Variants in DPP10 observed in about 807,000 individuals in gnomAD.
DPP10 encodes inactive dipeptidyl peptidase 10.
In DPP10, 33 loss-of-function variants were observed where a neutral mutation model predicts 120.9. That is an observed-to-expected ratio of 0.27 (90% CI 0.21 to 0.37). The LOEUF is 0.37. Among genes scored for constraint, DPP10 ranks in the 10% least tolerant of loss-of-function variants. DPP10 has a pLI of 1.00. For synonymous variants in DPP10, 337 were observed against 326.1 expected (o/e 1.03, Z -0.36); for missense variants, 816 against 942.8 (o/e 0.87, Z 1.76).
chr2:114,707,436 A>G (rs1700754788), intron 1 of DPP10, among the ~76,000 whole-genome samples: 1 of 152,240 alleles, frequency 6.6e-6, no homozygotes, highest in Non-Finnish European at 1.5e-5. Context: ...AGTTGTTACC[A>G]TCACTAAAGT....
At chr2:115,792,981 G>T (rs1012462992) in intron 19 of DPP10, among the ~76,000 whole-genome samples, 9 of 152,190 alleles carry the variant, frequency 5.9e-5, no homozygotes, top group Non-Finnish European at 1.3e-4. Flanking sequence ...GTAGGGCAGT[G>T]TCACACATAG....
intron 1 of DPP10, among the ~76,000 whole-genome samples, chr2:115,153,683 A>G (rs1157964108): frequency 6.6e-6 from 1 of 152,186 alleles, no homozygotes; most frequent in East Asian, 1.9e-4. Context: ...AAGTATGCCA[A>G]GCCTGATTTT....
At chr2:114,949,049 T>C (rs13018010) in intron 1 of DPP10, among the ~76,000 whole-genome samples, 151,251 of 151,976 alleles carry the variant, frequency 1, 75,269 homozygotes, top group Non-Finnish European at 1. Context: ...CTCAGCCTAC[T>C]GAGTAGCTGG....
chr2:115,462,828 C>T (rs1178060724), intron 3 of DPP10, among the ~76,000 whole-genome samples: 1 of 152,112 alleles, frequency 6.6e-6, no homozygotes, highest in Non-Finnish European at 1.5e-5. Flanking sequence ...CTCCCAGGCT[C>T]AAGCAACCCT....
At chr2:115,114,335 A>G (rs186498734) in intron 1 of DPP10, among the ~76,000 whole-genome samples, 1 of 152,224 alleles carries the variant, frequency 6.6e-6, no homozygotes, top group African/African-American at 2.4e-5. Context: ...CTTTGAAAAG[A>G]CATAGAAAAA....
intron 3 of DPP10, among the ~76,000 whole-genome samples, chr2:115,432,473 G>A (rs2071081513): frequency 6.6e-6 from 1 of 151,882 alleles, no homozygotes; most frequent in African/African-American, 2.4e-5. Flanking sequence ...AATAAGGTGG[G>A]TTTTAGTTTT....
Position 115,665,452 on chromosome 2 carries a change from G to T in DPP10, c.442-24235G>T, listed in dbSNP as rs544237671. Among the ~76,000 whole-genome samples the T allele has an allele frequency of 1.4e-4, 22 of 152,206 alleles. No individual in the cohort carries two copies. In the East Asian group the frequency reaches 4.3e-3, roughly 29 times the overall value. On this transcript the variant is annotated intron_variant, in intron 5 of 25. Coordinates refer to ENST00000410059, the MANE Select transcript of DPP10 (RefSeq NM_020868.6). ...AGATGTTAAAGTGTGAAAAAAGTGTGCACCTTAGGTTTATTGAAATTTAAA... is the reference window on the plus strand; with the variant it reads ...AGATGTTAAAGTGTGAAAAAAGTGTTCACCTTAGGTTTATTGAAATTTAAA...
At chr2:115,484,687 T>C (rs1438063953) in intron 3 of DPP10, among the ~76,000 whole-genome samples, 1 of 152,126 alleles carries the variant, frequency 6.6e-6, no homozygotes, top group Non-Finnish European at 1.5e-5. Flanking sequence ...GGTAAGATAT[T>C]AGTCATGCCC....
At chr2:115,502,837 G>A in intron 4 of DPP10, among the ~76,000 whole-genome samples, 1 of 151,308 alleles carries the variant, frequency 6.6e-6, no homozygotes, top group Admixed American at 6.6e-5. Context: ...AGGACCACAG[G>A]TGTGTGCCAC....
chr2:115,465,479 A>G (rs1189280759), intron 3 of DPP10, among the ~76,000 whole-genome samples: 5 of 152,198 alleles, frequency 3.3e-5, no homozygotes, highest in Non-Finnish European at 5.9e-5. Flanking sequence ...TCCTTGCCCA[A>G]CTGTGGAAAA....
chr2:115,408,047 T>C (rs577432456), intron 3 of DPP10, among the ~76,000 whole-genome samples: 25 of 151,964 alleles, frequency 1.6e-4, no homozygotes, highest in African/African-American at 5.3e-4. Context: ...AATGAAGCAT[T>C]CCTCTTTCTT....
chr2:115,276,210 A>G lies in DPP10; in HGVS notation c.61-33029A>G, dbSNP rs912339171. ...CAATTAGAGAGGGGAGTATAAAGATACACAGAACCCGGGCAATTCAAATTT... is the reference window on the plus strand; with the variant it reads ...CAATTAGAGAGGGGAGTATAAAGATGCACAGAACCCGGGCAATTCAAATTT... On this transcript the variant is annotated intron_variant, in intron 1 of 25. Transcript: ENST00000410059. Among the ~76,000 whole-genome samples, 7 of 152,314 alleles carry G rather than the reference A, an allele frequency of 4.6e-5. No individual in the cohort carries two copies. The South Asian group carries it at 1.0e-3, about 23-fold the overall frequency.
rs1000181891 is a variant in DPP10 at position 115,534,106 on chromosome 2, T to TA, written c.441+8134_441+8135insA. Among the ~76,000 whole-genome samples, 5 of 151,644 alleles carry TA rather than the reference T, an allele frequency of 3.3e-5. No individual in the cohort carries two copies. The East Asian group carries it at 7.8e-4, about 24-fold the overall frequency. On this transcript the variant is annotated intron_variant, in intron 5 of 25. Coordinates refer to ENST00000410059, the MANE Select transcript of DPP10 (RefSeq NM_020868.6). Reference sequence around the variant, plus strand: ...ACACACTTTTATTTATTTTTTTATTTTTTATTTTTTTTTATTATTATACTT... The same window carrying TA: ...ACACACTTTTATTTATTTTTTTATTTATTTATTTTTTTTTATTATTATACTT...
intron 1 of DPP10, among the ~76,000 whole-genome samples, chr2:115,085,484 T>C (rs1342160275): frequency 6.6e-6 from 1 of 152,194 alleles, no homozygotes; most frequent in East Asian, 1.9e-4. Flanking sequence ...TTTCAATAAA[T>C]TAATCTGAAT....
intron 1 of DPP10, among the ~76,000 whole-genome samples, chr2:114,907,308 TCTAA>T (rs1185175149): frequency 3.3e-5 from 5 of 152,056 alleles, no homozygotes; most frequent in Admixed American, 2.6e-4. Context: ...TAATTTCTGT[TCTAA>T]CTTTTATTAT....
rs527419210 is a variant in DPP10, at chr2:114,852,324, C to T, written c.60+409486C>T. ...TGATTGGCTCACTTTCATTATAGTA[C>T]ACTCAGTTCTCCATATCCATGGGTT... On this transcript the variant is annotated intron_variant, in intron 1 of 25. Transcript: ENST00000410059. Among the ~76,000 whole-genome samples the T allele has an allele frequency of 4.7e-4, 71 of 151,948 alleles. 1 individual carries two copies. The South Asian group carries it at 7.3e-3, about 16-fold the overall frequency.
At chr2:115,288,112 T>C (rs1021650589) in intron 1 of DPP10, among the ~76,000 whole-genome samples, 1 of 152,134 alleles carries the variant, frequency 6.6e-6, no homozygotes, top group African/African-American at 2.4e-5. Context: ...TCTATAGATG[T>C]TTCACTAACT....
intron 2 of DPP10, among the ~76,000 whole-genome samples, chr2:115,330,836 G>T (rs1332992887): frequency 1.3e-5 from 2 of 152,148 alleles, no homozygotes; most frequent in Non-Finnish European, 2.9e-5. Context: ...TAGCCTTGTA[G>T]TATAGTTTGA....
At chr2:114,517,955 G>A (rs904539718) in intron 1 of DPP10, among the ~76,000 whole-genome samples, 6 of 151,504 alleles carry the variant, frequency 4.0e-5, no homozygotes, top group African/African-American at 1.5e-4. Context: ...CTTCTGCACC[G>A]ATTCAGTCAT....
Sources: allele counts gnomAD v4.1 joint callset (sites outside exome capture counted in the v4.1 genomes callset), GRCh38; gene constraint gnomAD v4.1.1; transcripts MANE v1.5; gene names NCBI Gene and HGNC (gene_info 2026-07-23, HGNC 2026-07-21).